PPFIBP1: variants seen among roughly 807,000 people sequenced by gnomAD.
PPFIBP1 encodes PPFIB scaffold protein 1.
In PPFIBP1, 112 loss-of-function variants were observed where a neutral mutation model predicts 137.8. The ratio of observed to expected loss-of-function variants is 0.81; its 90% CI spans 0.70 to 0.95. The LOEUF is 0.95. Ranked by LOEUF, PPFIBP1 falls within the 40% of genes least tolerant of loss-of-function variation. The pLI is 0.00. For synonymous variants in PPFIBP1, 378 were observed against 417.3 expected, an observed-to-expected ratio of 0.91 and a Z score of 1.15; for missense variants, 1,083 against 1,196.6, an observed-to-expected ratio of 0.91 and a Z score of 1.40.
intron 1 of PPFIBP1, among the ~76,000 whole-genome samples, chr12:27,577,317 G>A (rs1271551749): frequency 5.9e-5 from 9 of 151,908 alleles, no homozygotes; most frequent in Admixed American, 2.0e-4. Context: ...AACATCTGGG[G>A]TTAATGAATC....
intron 1 of PPFIBP1, among the ~76,000 whole-genome samples, chr12:27,530,608 T>C (rs1210697902): frequency 1.3e-5 from 2 of 152,222 alleles, no homozygotes; most frequent in East Asian, 3.8e-4. Context: ...CCAACTGATA[T>C]CCATTCCCCC....
chr12:27,559,739 C>T (rs192718664), intron 1 of PPFIBP1, among the ~76,000 whole-genome samples: 12 of 152,248 alleles, frequency 7.9e-5, no homozygotes, highest in Admixed American at 6.5e-4. Flanking sequence ...TACCTCTTGG[C>T]ATAATTATAA....
chr12:27,617,251 C>T (rs2055862900), intron 2 of PPFIBP1, among the ~76,000 whole-genome samples: 1 of 152,082 alleles, frequency 6.6e-6, no homozygotes, highest in African/African-American at 2.4e-5. Context: ...AATGTATACC[C>T]CGATCACTTA....
chr12:27,693,186 G>A lies in PPFIBP1; in HGVS notation c.*304G>A, dbSNP rs901759282. 5.7e-5 allele frequency: 14 copies of A among 244,844 alleles called. No homozygotes were observed. The highest frequency in any genetic ancestry group is 2.1e-4 in the African/African-American group (9 of 43,682). 15.2% of individuals were successfully genotyped at this position (244,844 alleles called of 1,614,324 possible). On this transcript the variant is annotated 3_prime_UTR_variant, in exon 30 of 30. Transcript: ENST00000228425. ...TACCAGAGTGTTTCCATTCATATCCGCGGTATGGAGGATTTGAGGAACAGT... is the reference window on the plus strand; with the variant it reads ...TACCAGAGTGTTTCCATTCATATCCACGGTATGGAGGATTTGAGGAACAGT...
intron 1 of PPFIBP1, among the ~76,000 whole-genome samples, chr12:27,570,567 A>T (rs2050053084): frequency 6.6e-6 from 1 of 152,230 alleles, no homozygotes; most frequent in African/African-American, 2.4e-5. Flanking sequence ...ATCCTGCCAC[A>T]CAGTAACAAC....
intron 2 of PPFIBP1, among the ~76,000 whole-genome samples, chr12:27,579,552 CTTA>C (rs905427023): frequency 4.6e-5 from 7 of 152,104 alleles, no homozygotes; most frequent in African/African-American, 1.7e-4. Flanking sequence ...GCTTGTTTTG[CTTA>C]TTATGTTTGT....
chr12:27,681,151 A>G (rs2060851583), intron 21 of PPFIBP1, among the ~76,000 whole-genome samples: 1 of 152,234 alleles, frequency 6.6e-6, no homozygotes, highest in Non-Finnish European at 1.5e-5. Flanking sequence ...CCATATGGAA[A>G]GAAACCATAA....
At chr12:27,561,097 C>A (rs1287793104) in intron 1 of PPFIBP1, among the ~76,000 whole-genome samples, 19 of 152,112 alleles carry the variant, frequency 1.2e-4, no homozygotes, top group Non-Finnish European at 2.5e-4. Context: ...GTATACCTAA[C>A]ATAGTGGGGT....
At chr12:27,592,583 G>A (rs2052651399) in intron 2 of PPFIBP1, 1 of 1,518,786 alleles carries the variant, frequency 6.6e-7, no homozygotes, top group South Asian at 1.1e-5. Context: ...TACCTCCTCA[G>A]CAGAGGGGAG....
At position 27,679,089 on chromosome 12, in the gene PPFIBP1, G is replaced by A. The variant is rs535987288; in HGVS notation, c.1616-400G>A. Among the ~76,000 whole-genome samples, 11 of 152,178 alleles carry A rather than the reference G, an allele frequency of 7.2e-5. No homozygotes were observed. In the South Asian group the frequency reaches 2.3e-3, roughly 32 times the overall value. ...AAGAAAAAAAAGCAGGGGTGCTACA[G>A]CAAAGACACTATCAGATGACAGATG... On this transcript the variant is annotated intron_variant, in intron 19 of 29. Transcript: ENST00000228425.
intron 2 of PPFIBP1, among the ~76,000 whole-genome samples, chr12:27,581,517 A>G (rs949976992): frequency 1.3e-5 from 2 of 152,164 alleles, no homozygotes; most frequent in South Asian, 2.1e-4. Context: ...TAAGTAGGCA[A>G]TTTGTAGCCA....
At chr12:27,668,809 A>G (rs1480516588) in intron 13 of PPFIBP1, among the ~76,000 whole-genome samples, 1 of 152,140 alleles carries the variant, frequency 6.6e-6, no homozygotes, top group Non-Finnish European at 1.5e-5. Context: ...ATGAGACCGC[A>G]CTACTGTAAT....
At chr12:27,593,688 T>C in intron 2 of PPFIBP1, 1 of 579,000 alleles carries the variant, frequency 1.7e-6, no homozygotes, top group Non-Finnish European at 3.1e-6. Context: ...TTTTGGGAAC[T>C]TGTTTATCCA....
chr12:27,593,478 C>A (rs779295242), intron 2 of PPFIBP1: 5 of 447,030 alleles, frequency 1.1e-5, no homozygotes, highest in Non-Finnish European at 2.2e-5. Context: ...GTGGCTTGCA[C>A]TTGGGCAGGT....
chr12:27,549,115 C>T (rs1946509706), intron 1 of PPFIBP1: 1 of 152,134 alleles, frequency 6.6e-6, no homozygotes, highest in Non-Finnish European at 1.5e-5. Context: ...GATGCAGAAA[C>T]TAAAAAGCTC....
Position 27,646,603 on chromosome 12 carries a change from A to G in PPFIBP1, c.357+455A>G, listed in dbSNP as rs373228181. 2.9e-4 allele frequency among the ~76,000 whole-genome samples: 44 copies of G among 152,260 alleles called. No homozygotes were observed. The East Asian group carries it at 7.1e-3, about 25-fold the overall frequency. ...AGAAATTCAGATATATGAATATAGC[A>G]TAACATCTGAATATATGTAAGTTTA... On this transcript the variant is annotated intron_variant, in intron 5 of 29. Transcript: ENST00000228425.
intron 4 of PPFIBP1, among the ~76,000 whole-genome samples, chr12:27,639,679 G>A (rs1238252166): frequency 1.3e-5 from 2 of 152,250 alleles, no homozygotes; most frequent in Non-Finnish European, 2.9e-5. Context: ...AACAGGTGAA[G>A]TGAGGTGTTC....
chr12:27,667,987 A>C (rs2059964592), intron 13 of PPFIBP1, among the ~76,000 whole-genome samples: 1 of 152,224 alleles, frequency 6.6e-6, no homozygotes, highest in Admixed American at 6.5e-5. Context: ...CCACCCAGAT[A>C]CAAGGAGAGG....
intron 2 of PPFIBP1, among the ~76,000 whole-genome samples, chr12:27,616,715 G>A (rs550703789): frequency 3.3e-5 from 5 of 152,364 alleles, no homozygotes; most frequent in African/African-American, 9.6e-5. Flanking sequence ...CTCTTCCTGT[G>A]ATGGAAGGCC....
Sources: gnomAD v4.1 joint callset for allele counts (sites outside exome capture counted in the v4.1 genomes callset) on GRCh38, gnomAD v4.1.1 for gene constraint, MANE v1.5 for transcripts, NCBI Gene and HGNC (gene_info 2026-07-23, HGNC 2026-07-21) for gene names.